MAPK1IP1L: variants seen among roughly 807,000 people sequenced by gnomAD.
The protein encoded by MAPK1IP1L is MAPK-interacting and spindle-stabilizing protein-like.
A neutral mutation model predicts 18.1 loss-of-function variants in MAPK1IP1L; 10 were observed. That is an observed-to-expected ratio of 0.55 (90% CI 0.34 to 0.94). MAPK1IP1L has a LOEUF of 0.94. Ranked by LOEUF, MAPK1IP1L falls within the 40% of genes least tolerant of loss-of-function variation. The pLI is 0.02. For missense variants in MAPK1IP1L, 260 were observed against 318.2 expected, an observed-to-expected ratio of 0.82 and a Z score of 1.39; for synonymous variants, 115 against 117.3, an observed-to-expected ratio of 0.98 and a Z score of 0.13.
intron 3 of MAPK1IP1L, 83 bp from the exon 4 acceptor site, chr14:55,064,533 A>G: frequency 8.2e-7 from 1 of 1,215,606 alleles, no homozygotes; most frequent in Admixed American, 1.8e-5. Flanking sequence ...ATTAAGCAAT[A>G]AATTTACTTT....
intron 1 of MAPK1IP1L, among the ~76,000 whole-genome samples, chr14:55,060,029 T>C (rs1264696695): frequency 6.6e-6 from 1 of 152,056 alleles, no homozygotes. Context: ...TTTGTAAATA[T>C]ATCACAAAAT....
chr14:55,056,745 G>A (rs1362862826), intron 1 of MAPK1IP1L, among the ~76,000 whole-genome samples: 3 of 152,134 alleles, frequency 2.0e-5, no homozygotes, highest in South Asian at 2.1e-4. Flanking sequence ...TCCTGACTTC[G>A]TGATCCGCCC....
chr14:55,062,571 T>C (rs777693911), intron 2 of MAPK1IP1L, 47 bp from the exon 3 acceptor site: 4 of 1,476,580 alleles, frequency 2.7e-6, no homozygotes, highest in South Asian at 2.6e-5. Flanking sequence ...TGGTGTTCGA[T>C]GTAACTTTTC....
chr14:55,062,913 C>T lies in MAPK1IP1L; in HGVS notation c.314C>T (p.Pro105Leu). 1 of 1,614,110 alleles carries T rather than the reference C, an allele frequency of 6.2e-7. No individual in the cohort carries two copies. Among genetic ancestry groups the T allele is most frequent in the South Asian group, 1.1e-5 (1 of 91,078 alleles). Residue 105 changes from proline to leucine, a missense_variant, in exon 3 of 4, where the codon CCA becomes CTA. Pro to Leu is a moderately conservative substitution (Grantham distance 98). Coordinates refer to ENST00000395468, the MANE Select transcript of MAPK1IP1L (RefSeq NM_144578.4). Reference protein sequence around the residue: ...CPPPGGPYPAPTVPGPGPTGP... With the variant: ...CPPPGGPYPALTVPGPGPTGP... Reference sequence around the variant, plus strand: ...CCACCTGGTGGTCCTTATCCAGCCCCAACTGTGCCGGGCCCTGGCCCCACA... The same window carrying T: ...CCACCTGGTGGTCCTTATCCAGCCCTAACTGTGCCGGGCCCTGGCCCCACA...
At chr14:55,058,590 G>A (rs1408758376) in intron 1 of MAPK1IP1L, among the ~76,000 whole-genome samples, 1 of 152,216 alleles carries the variant, frequency 6.6e-6, no homozygotes, top group Non-Finnish European at 1.5e-5. Context: ...CAGCACTTTG[G>A]GAGGCTGAGG....
chr14:55,060,594 T>C (rs1446392221), intron 1 of MAPK1IP1L: 1 of 152,218 alleles, frequency 6.6e-6, no homozygotes, highest in Non-Finnish European at 1.5e-5. Flanking sequence ...TACAGTCTTT[T>C]ATTTATATAA....
chr14:55,065,728 C>CTCTTTT lies in MAPK1IP1L; in HGVS notation c.*1104_*1109dup, dbSNP rs1393439868. ...TACAAGTGTGAATCAAAATATGTAT[C>CTCTTTT]TCTTTTTCAGAGTCTGGTTAAGCTA... On this transcript the variant is annotated 3_prime_UTR_variant, in exon 4 of 4. Transcript: ENST00000395468. 7 of 152,166 alleles carry CTCTTTT rather than the reference C, an allele frequency of 4.6e-5. No homozygotes were observed. Among genetic ancestry groups the CTCTTTT allele is most frequent in the Admixed American group, 3.3e-4 (5 of 15,272 alleles). 9.4% of individuals were successfully genotyped at this position (152,166 alleles called of 1,614,324 possible).
chr14:55,051,744 GC>G lies in MAPK1IP1L; in HGVS notation c.-61del, dbSNP rs958387229. 1.6e-5 allele frequency: 8 copies of G among 515,742 alleles called. No individual in the cohort carries two copies. The highest frequency in any genetic ancestry group is 3.1e-5 in the Non-Finnish European group (8 of 259,296). The allele number at this position is 515,742 out of a possible 1,614,324, so 31.9% of individuals were successfully genotyped here. A position where few individuals can be genotyped will look rare whatever the true frequency, so the allele number is the denominator to read the frequency against. Reference sequence around the variant, plus strand: ...GTCAGGCTGCGCCCGCGTCTTCAGGGCCCAGTCCCTCGGACCCATCGCCGCT... The same window carrying G: ...GTCAGGCTGCGCCCGCGTCTTCAGGGCCAGTCCCTCGGACCCATCGCCGCT... On this transcript the variant is annotated 5_prime_UTR_variant, in exon 1 of 4. Transcript: ENST00000395468.
chr14:55,052,213 C>T (rs945419052), intron 1 of MAPK1IP1L, among the ~76,000 whole-genome samples: 3 of 151,046 alleles, frequency 2.0e-5, no homozygotes, highest in African/African-American at 7.3e-5. Context: ...CCCTAAACGG[C>T]TGCCGGCCTC....
rs2042826398 is a variant in MAPK1IP1L at position 55,062,618 on chromosome 14, T to C, written c.19T>C (p.Leu7=). Residue 7 remains leucine, a splice_region_variant and synonymous_variant, in exon 3 of 4, where the codon TTG becomes CTG. Coordinates refer to ENST00000395468, the MANE Select transcript of MAPK1IP1L (RefSeq NM_144578.4). ...AAGACGTATCTGTTTTGTGTTCCAG[T>C]TGGCAGATGCACTACCTGAACACTC... MSDEFS[L]ADALPEHSPA... is the part of the protein sequence containing the mutation. 3.1e-6 allele frequency: 5 copies of C among 1,605,682 alleles called. No individual in the cohort carries two copies. Among genetic ancestry groups the C allele is most frequent in the African/African-American group, 1.3e-5 (1 of 74,732 alleles).
rs1373737054 is a variant in MAPK1IP1L, at chr14:55,051,686, G to T, written c.-122G>T. 1 of 516,220 alleles carries T rather than the reference G, an allele frequency of 1.9e-6. No homozygotes were observed. The highest frequency in any genetic ancestry group is 3.9e-6 in the Non-Finnish European group (1 of 259,496). 32.0% of individuals were successfully genotyped at this position (516,220 alleles called of 1,614,324 possible). ...CGCCAGGAGGAGCCGCGCGCTGCTG[G>T]TGCTGTTGCCGCCGCTGCTCTAGCT... On this transcript the variant is annotated 5_prime_UTR_variant, in exon 1 of 4. Transcript: ENST00000395468.
Position 55,064,797 on chromosome 14 carries a change from C to T in MAPK1IP1L, c.*170C>T, listed in dbSNP as rs112439214. ...TCTTGTACTTGGATGCGTAGTACAT[C>T]ATATGTATACAATCAGATAAAAGCA... On this transcript the variant is annotated 3_prime_UTR_variant, in exon 4 of 4. Transcript: ENST00000395468. 6.7e-3 allele frequency: 3,741 copies of T among 555,912 alleles called. 77 individuals carry two copies. The highest frequency in any genetic ancestry group is 0.04 in the South Asian group (1,422 of 35,406). 34.4% of individuals were successfully genotyped at this position (555,912 alleles called of 1,614,324 possible).
At chr14:55,055,361 G>C (rs1316259619) in intron 1 of MAPK1IP1L, among the ~76,000 whole-genome samples, 2 of 152,112 alleles carry the variant, frequency 1.3e-5, no homozygotes, top group Non-Finnish European at 2.9e-5. Flanking sequence ...CTTTTCTAAT[G>C]AAAGTATTCT....
At chr14:55,055,501 G>GT (rs896139746) in intron 1 of MAPK1IP1L, among the ~76,000 whole-genome samples, 13 of 152,120 alleles carry the variant, frequency 8.5e-5, no homozygotes, top group African/African-American at 3.1e-4. Context: ...AGTATACCAT[G>GT]TTTTTTAGAT....
rs1185627987 is a variant in MAPK1IP1L at position 55,062,867 on chromosome 14, C to T, written c.268C>T (p.Pro90Ser). The T allele has an allele frequency of 2.5e-6, 4 of 1,614,040 alleles. No homozygotes were observed. The South Asian group carries it at 4.4e-5, about 18-fold the overall frequency. The change falls in exon 3 of 4, where the codon CCT becomes TCT. Residue 90 changes from proline to serine, a missense_variant. Transcript: ENST00000395468. ...TCCAGGACCCCCAGCACCCTTTCCT[C>T]CTTCCGGACCATCATGTCCCCCACC... ...PPPGPPAPFP[P>S]SGPSCPPPGG... is the part of the protein sequence containing the mutation.
chr14:55,056,227 T>G (rs2042770225), intron 1 of MAPK1IP1L, among the ~76,000 whole-genome samples: 1 of 152,240 alleles, frequency 6.6e-6, no homozygotes, highest in African/African-American at 2.4e-5. Context: ...CAGTTGAATA[T>G]TATTAACTTG....
chr14:55,056,809 A>G (rs1002398005), intron 1 of MAPK1IP1L, among the ~76,000 whole-genome samples: 1 of 152,128 alleles, frequency 6.6e-6, no homozygotes, highest in South Asian at 2.1e-4. Flanking sequence ...GCGCCCGGCC[A>G]TGTTTTTTGA....
intron 1 of MAPK1IP1L, among the ~76,000 whole-genome samples, chr14:55,057,648 CAGG>C (rs1485163358): frequency 1.3e-5 from 2 of 151,664 alleles, no homozygotes; most frequent in Non-Finnish European, 2.9e-5. Context: ...CCCAGCTACT[CAGG>C]AGACTGAGGC....
intron 1 of MAPK1IP1L, among the ~76,000 whole-genome samples, chr14:55,055,940 C>CA (rs2042768001): frequency 6.6e-6 from 1 of 151,996 alleles, no homozygotes; most frequent in Admixed American, 6.6e-5. Context: ...AAAAACAAAA[C>CA]AAAAAACTTA....
Sources: allele counts gnomAD v4.1 joint callset (sites outside exome capture counted in the v4.1 genomes callset), GRCh38; gene constraint gnomAD v4.1.1; transcripts MANE v1.5; gene names NCBI Gene and HGNC (gene_info 2026-07-23, HGNC 2026-07-21).